Variants in GPR180 observed in about 807,000 individuals in gnomAD.
GPR180 encodes integral membrane protein GPR180.
A neutral mutation model predicts 52.6 loss-of-function variants in GPR180; 53 were observed. The observed-to-expected ratio is 1.01, with a 90% CI of 0.81 to 1.27. The LOEUF (loss-of-function observed/expected upper bound fraction) is 1.27, where lower values mean the gene tolerates loss of function less well. Ranked by LOEUF, GPR180 falls within the 50% of genes most tolerant of loss-of-function variation. The pLI, the probability that GPR180 is intolerant of heterozygous loss-of-function variation, is 0.00. For missense variants in GPR180, 533 were observed against 527.0 expected (o/e 1.01, Z -0.11); for synonymous variants, 200 against 193.1 (o/e 1.04, Z -0.30).
chr13:94,616,628 T>G (rs545319300), intron 3 of GPR180, among the ~76,000 whole-genome samples: 1 of 152,354 alleles, frequency 6.6e-6, no homozygotes, highest in Admixed American at 6.5e-5. Context: ...TTAAGAGTAT[T>G]TTTCTTCTTC....
intron 2 of GPR180, among the ~76,000 whole-genome samples, chr13:94,610,260 C>T (rs1029662404): frequency 2.0e-5 from 3 of 152,114 alleles, no homozygotes; most frequent in African/African-American, 7.2e-5. Flanking sequence ...TCCATACATA[C>T]ATTTCTAGTT....
chr13:94,619,958 G>GTATAA (rs1331989004), intron 5 of GPR180, among the ~76,000 whole-genome samples: 1 of 152,178 alleles, frequency 6.6e-6, no homozygotes, highest in Admixed American at 6.5e-5. Context: ...TTGGGCTTGA[G>GTATAA]GGATCCACCC....
chr13:94,606,394 T>A lies in GPR180; in HGVS notation c.304+845T>A, dbSNP rs185538395. Among the ~76,000 whole-genome samples the A allele has an allele frequency of 4.7e-3, 710 of 152,344 alleles. 8 individuals are homozygous for A. Among genetic ancestry groups the A allele is most frequent in the African/African-American group, 0.016 (667 of 41,588 alleles). On this transcript the variant is annotated intron_variant, in intron 2 of 8. Transcript: ENST00000376958. ...CTTTTTAAATCCTAATCTAGTGGCTTAAATCCGTGATCCCATTCATTCTCA... is the reference window on the plus strand; with the variant it reads ...CTTTTTAAATCCTAATCTAGTGGCTAAAATCCGTGATCCCATTCATTCTCA...
chr13:94,626,774 G>GTGCC (rs1889933659), intron 8 of GPR180, among the ~76,000 whole-genome samples: 1 of 152,048 alleles, frequency 6.6e-6, no homozygotes, highest in Non-Finnish European at 1.5e-5. Context: ...GGTTTAGCAA[G>GTGCC]TTATTCTTTT....
In GPR180 at chr13:94,632,369, T is replaced by G. The variant is rs1890010333; in HGVS notation, c.*5198T>G. On this transcript the variant is annotated 3_prime_UTR_variant, in exon 9 of 9. Coordinates refer to ENST00000376958, the MANE Select transcript of GPR180 (RefSeq NM_180989.6). ...CTTTCTAGAAATGGCCCCATGCACA[T>G]ATAAACATATATGAAACACAAATTA... The G allele has an allele frequency of 1.3e-5, 2 of 152,216 alleles. No homozygotes were observed. Among genetic ancestry groups the G allele is most frequent in the African/African-American group, 4.8e-5 (2 of 41,460 alleles). 9.4% of individuals were successfully genotyped at this position (152,216 alleles called of 1,614,324 possible).
intron 5 of GPR180, among the ~76,000 whole-genome samples, chr13:94,620,166 G>C (rs1889833782): frequency 6.6e-6 from 1 of 152,160 alleles, no homozygotes; most frequent in Non-Finnish European, 1.5e-5. Flanking sequence ...GCTATTGAGT[G>C]GTAGAGACTA....
In GPR180 at chr13:94,614,424, C is replaced by T. The variant is rs74357902; in HGVS notation, c.505+2034C>T. Among the ~76,000 whole-genome samples, 1,039 of 152,288 alleles carry T rather than the reference C, an allele frequency of 6.8e-3. 16 individuals are homozygous for T. The highest frequency in any genetic ancestry group is 0.024 in the African/African-American group (981 of 41,558). The stretch of plus-strand genomic sequence containing the variant: ...ATCCTGATATGCTTTTACTTGCCTC[C>T]TTATCCAGGCTTCCATTTTTGGTCT... On this transcript the variant is annotated intron_variant, in intron 3 of 8. Coordinates refer to ENST00000376958, the MANE Select transcript of GPR180 (RefSeq NM_180989.6).
intron 3 of GPR180, 73 bp from the exon 4 acceptor site, chr13:94,619,077 G>A: frequency 8.8e-7 from 1 of 1,131,002 alleles, no homozygotes; most frequent in Non-Finnish European, 1.3e-6. Context: ...TATTGACAGG[G>A]AGATTTGAAA....
intron 7 of GPR180, among the ~76,000 whole-genome samples, chr13:94,623,965 T>G (rs571186780): frequency 2.2e-4 from 34 of 151,538 alleles, no homozygotes; most frequent in African/African-American, 8.2e-4. Context: ...GACTATAAAC[T>G]GTTATTCTCA....
At chr13:94,626,633 T>C (rs982535879) in intron 8 of GPR180, among the ~76,000 whole-genome samples, 2 of 152,206 alleles carry the variant, frequency 1.3e-5, no homozygotes, top group African/African-American at 4.8e-5. Flanking sequence ...TGAGAATTTT[T>C]GAAAGGGCTT....
Position 94,634,282 on chromosome 13 carries a change from A to C in GPR180, c.*7111A>C, listed in dbSNP as rs1296775831. 1 of 152,152 alleles carries C rather than the reference A, an allele frequency of 6.6e-6. No individual in the cohort carries two copies. The highest frequency in any genetic ancestry group is 1.5e-5 in the Non-Finnish European group (1 of 68,026). 9.4% of individuals were successfully genotyped at this position (152,152 alleles called of 1,614,324 possible). ...TTAAACCCACAGGTGGTAGCATGAC[A>C]TTGACTCCTCAGCCAAGCATATTAT... is the stretch of plus-strand genomic sequence containing the variant. On this transcript the variant is annotated 3_prime_UTR_variant, in exon 9 of 9. Coordinates refer to ENST00000376958, the MANE Select transcript of GPR180 (RefSeq NM_180989.6).
At chr13:94,612,128 A>T in intron 2 of GPR180, 62 bp from the exon 3 acceptor site, 28 of 1,293,590 alleles carry the variant, frequency 2.2e-5, no homozygotes, top group Non-Finnish European at 2.8e-5. Context: ...TGATTATATG[A>T]CTAAAACAGT....
At chr13:94,604,589 C>CA (rs1290697030) in intron 1 of GPR180, among the ~76,000 whole-genome samples, 94 of 142,904 alleles carry the variant, frequency 6.6e-4, no homozygotes, top group Middle Eastern at 3.7e-3. Flanking sequence ...CACTCTGTCT[C>CA]AAAAAAAAAA....
rs553674134 is a variant in GPR180 at position 94,621,079 on chromosome 13, T to C, written c.738T>C (p.Phe246=). 1 of 1,603,170 alleles carries C rather than the reference T, an allele frequency of 6.2e-7. No homozygotes were observed. Among genetic ancestry groups the C allele is most frequent in the Non-Finnish European group, 8.5e-7 (1 of 1,177,190 alleles). The part of the protein sequence containing the change: ...GVPFMGSLAE[F]FDIASQIQML... ...ACGTTGGTTTTCATGTCCCATTAGT[T>C]TTTGACATCGCTTCCCAAATTCAGA... The change falls in exon 6 of 9, where the codon TTT becomes TTC. Residue 246 remains phenylalanine, a splice_region_variant and synonymous_variant. Transcript: ENST00000376958.
chr13:94,625,826 C>A, intron 7 of GPR180, 140 bp from the exon 8 acceptor site: 1 of 441,714 alleles, frequency 2.3e-6, no homozygotes, highest in South Asian at 5.6e-5. Context: ...AAATTTATTT[C>A]TACATTTTAT....
At position 94,631,386 on chromosome 13, in the gene GPR180, G is replaced by T. The variant is rs1354578225; in HGVS notation, c.*4215G>T. ...ATAAGCCCCTTATTTTGAATATTAA[G>T]ATATGTGTATGTGTATTAGATCCTA... On this transcript the variant is annotated 3_prime_UTR_variant, in exon 9 of 9. Transcript: ENST00000376958. 1.3e-5 allele frequency: 2 copies of T among 151,760 alleles called. No homozygotes were observed. Among genetic ancestry groups the T allele is most frequent in the African/African-American group, 4.8e-5 (2 of 41,246 alleles). 9.4% of individuals were successfully genotyped at this position (151,760 alleles called of 1,614,324 possible).
intron 2 of GPR180, among the ~76,000 whole-genome samples, chr13:94,609,185 G>T (rs1274718854): frequency 2.0e-5 from 3 of 152,142 alleles, no homozygotes; most frequent in Non-Finnish European, 4.4e-5. Context: ...TCATTTAAAG[G>T]TGTTAGTATT....
At chr13:94,618,586 A>G (rs538721550) in intron 3 of GPR180, among the ~76,000 whole-genome samples, 4 of 152,066 alleles carry the variant, frequency 2.6e-5, no homozygotes, top group Non-Finnish European at 5.9e-5. Context: ...AATCATGCTT[A>G]GGGCTTACTA....
Position 94,623,539 on chromosome 13 carries a change from G to A in GPR180, c.1086+239G>A, listed in dbSNP as rs559698154. Among the ~76,000 whole-genome samples, 432 of 152,202 alleles carry A rather than the reference G, an allele frequency of 2.8e-3. 2 individuals are homozygous for A. Among genetic ancestry groups the A allele is most frequent in the African/African-American group, 9.2e-3 (383 of 41,532 alleles). On this transcript the variant is annotated intron_variant, in intron 7 of 8. Transcript: ENST00000376958. ...TCTACAAAAAATTAAAATTAGCCACGCTTTGTGGCGAGCACCTGTTGTCTC... is the reference window on the plus strand; with the variant it reads ...TCTACAAAAAATTAAAATTAGCCACACTTTGTGGCGAGCACCTGTTGTCTC...
Sources: gnomAD v4.1 joint callset for allele counts (sites outside exome capture counted in the v4.1 genomes callset) on GRCh38, gnomAD v4.1.1 for gene constraint, MANE v1.5 for transcripts, NCBI Gene and HGNC (gene_info 2026-07-23, HGNC 2026-07-21) for gene names.